The following ASXL3 variants were observed in gnomAD, a reference collection of about 807,000 sequenced individuals.
ASXL3 encodes the protein ASXL transcriptional regulator 3.
Under a neutral mutation model 170.6 loss-of-function variants are expected in ASXL3, and 34 were observed. The ratio of observed to expected loss-of-function variants is 0.20; its 90% CI spans 0.15 to 0.27. ASXL3 has a LOEUF of 0.27. Among genes scored for constraint, ASXL3 ranks in the 10% least tolerant of loss-of-function variants. The pLI is 1.00. For synonymous variants in ASXL3, 1,002 were observed against 989.1 expected (o/e 1.01, Z -0.24); for missense variants, 2,592 against 2,695.3 (o/e 0.96, Z 0.85).
In ASXL3 at chr18:33,745,105, T is replaced by C; in HGVS notation, c.5257T>C (p.Leu1753=). Reference sequence around the variant, plus strand: ...GGCTAACAATCCGCTGGTGACGCAGTTACTACAGGGCAACCTGCCTTTGGA... The same window carrying C: ...GGCTAACAATCCGCTGGTGACGCAGCTACTACAGGGCAACCTGCCTTTGGA... The part of the protein sequence containing the change: ...VEANNPLVTQ[L]LQGNLPLEKV... The change falls in exon 12 of 12, where the codon TTA becomes CTA. Residue 1753 remains leucine, a synonymous_variant. Coordinates refer to ENST00000269197, the MANE Select transcript of ASXL3 (RefSeq NM_030632.3). 1 of 1,613,996 alleles carries C rather than the reference T, an allele frequency of 6.2e-7. No individual in the cohort carries two copies.
chr18:33,658,645 C>G (rs2066120549), intron 4 of ASXL3, among the ~76,000 whole-genome samples: 2 of 151,892 alleles, frequency 1.3e-5, no homozygotes, highest in South Asian at 2.1e-4. Context: ...TTACATTTTG[C>G]TTTTCTTTAA....
chr18:33,665,971 T>G (rs2066249387), intron 5 of ASXL3, among the ~76,000 whole-genome samples: 1 of 152,200 alleles, frequency 6.6e-6, no homozygotes, highest in South Asian at 2.1e-4. Context: ...GCTTGTAAAT[T>G]TCTTTCATAT....
At position 33,697,895 on chromosome 18, in the gene ASXL3, C is replaced by T. The variant is rs369258548; in HGVS notation, c.879+14327C>T. Among the ~76,000 whole-genome samples the T allele has an allele frequency of 9.9e-5, 15 of 152,224 alleles. No homozygotes were observed. The East Asian group carries it at 1.9e-3, about 20-fold the overall frequency. On this transcript the variant is annotated intron_variant, in intron 8 of 11. Coordinates refer to ENST00000269197, the MANE Select transcript of ASXL3 (RefSeq NM_030632.3). ...CAGCTGAAGAACTCCAGAATTTTCT[C>T]TCTATGATACTCTGTCTTCTCCTGT...
chr18:33,605,840 T>G (rs2065242212), intron 1 of ASXL3, among the ~76,000 whole-genome samples: 1 of 151,892 alleles, frequency 6.6e-6, no homozygotes, highest in South Asian at 2.1e-4. Context: ...ATCGTATGCC[T>G]TTCCCTCCAG....
intron 2 of ASXL3, among the ~76,000 whole-genome samples, chr18:33,616,270 G>A (rs1420273156): frequency 1.3e-5 from 2 of 152,048 alleles, no homozygotes; most frequent in East Asian, 1.9e-4. Context: ...AGCCTTTATA[G>A]TCAAACATCT....
Position 33,732,024 on chromosome 18 carries a change from T to C in ASXL3, c.936T>C (p.Phe312=), listed in dbSNP as rs774211783. 1 of 1,613,102 alleles carries C rather than the reference T, an allele frequency of 6.2e-7. No individual in the cohort carries two copies. The highest frequency in any genetic ancestry group is 8.5e-7 in the Non-Finnish European group (1 of 1,179,636). ...CTTCAGCTCTAAATAATGAATTCTT[T>C]GCATATGCAGCACAAGGGTGGAAAC... ...LSTSALNNEF[F]AYAAQGWKQR... Residue 312 remains phenylalanine, a synonymous_variant, in exon 9 of 12, where the codon TTT becomes TTC. Transcript: ENST00000269197.
chr18:33,590,123 T>TTTTTTTTTTTTTTTTTTTTTTTTTTTG (rs2065065898), intron 1 of ASXL3, among the ~76,000 whole-genome samples: 1 of 146,854 alleles, frequency 6.8e-6, no homozygotes, highest in Non-Finnish European at 1.5e-5. Flanking sequence ...TTTTTTTTTT[T>TTTTTTTTTTTTTTTTTTTTTTTTTTTG]TTTTTTTGCT....
At chr18:33,724,585 G>C (rs555587748) in intron 8 of ASXL3, among the ~76,000 whole-genome samples, 1 of 151,960 alleles carries the variant, frequency 6.6e-6, no homozygotes, top group Non-Finnish European at 1.5e-5. Flanking sequence ...AGATACTGAT[G>C]GTTGTTCTGT....
intron 4 of ASXL3, among the ~76,000 whole-genome samples, chr18:33,656,990 A>G (rs2066094560): frequency 6.6e-6 from 1 of 152,168 alleles, no homozygotes; most frequent in Non-Finnish European, 1.5e-5. Flanking sequence ...GAACATTAAT[A>G]GATCGACTGC....
In ASXL3 at chr18:33,598,794, G is replaced by A. The variant is rs537345949; in HGVS notation, c.55-8800G>A. ...GCAGGTATGACCAGGAGGTATTGTGGATAACCATGGGGATAATCATGGAGA... is the reference window on the plus strand; with the variant it reads ...GCAGGTATGACCAGGAGGTATTGTGAATAACCATGGGGATAATCATGGAGA... On this transcript the variant is annotated intron_variant, in intron 1 of 11. Coordinates refer to ENST00000269197, the MANE Select transcript of ASXL3 (RefSeq NM_030632.3). 2.1e-4 allele frequency among the ~76,000 whole-genome samples: 32 copies of A among 152,286 alleles called. 1 individual carries two copies. In the South Asian group the frequency reaches 3.9e-3, roughly 19 times the overall value.
chr18:33,694,637 T>G (rs1276697304), intron 8 of ASXL3, among the ~76,000 whole-genome samples: 1 of 152,098 alleles, frequency 6.6e-6, no homozygotes, highest in Admixed American at 6.6e-5. Flanking sequence ...AATTGCAGCA[T>G]TTTAGTCAAT....
intron 2 of ASXL3, 112 bp downstream of exon 2, chr18:33,607,788 TCCCC>T: frequency 1.2e-6 from 1 of 802,504 alleles, no homozygotes; most frequent in Non-Finnish European, 2.0e-6. Context: ...GTGAATTAAC[TCCCC>T]ACAAATTCTT....
intron 2 of ASXL3, among the ~76,000 whole-genome samples, chr18:33,639,980 T>C (rs1166969008): frequency 1.3e-5 from 2 of 152,154 alleles, no homozygotes; most frequent in African/African-American, 4.8e-5. Context: ...TAGAGACATA[T>C]TGAATATCAA....
At position 33,745,497 on chromosome 18, in the gene ASXL3, C is replaced by G. The variant is rs775666145; in HGVS notation, c.5649C>G (p.Ser1883=). The change falls in exon 12 of 12, where the codon TCC becomes TCG. Residue 1883 remains serine (S), a synonymous_variant. Coordinates refer to ENST00000269197, the MANE Select transcript of ASXL3 (RefSeq NM_030632.3). ...AGCAAGAATGGCTAAACAAGCACTC[C>G]ATGCAGAACAGAATTGTTCACAGCC... ...PFKQEWLNKH[S]MQNRIVHSPE... The G allele has an allele frequency of 3.8e-5, 62 of 1,614,004 alleles. No individual in the cohort carries two copies. Among genetic ancestry groups the G allele is most frequent in the Non-Finnish European group, 5.2e-5 (61 of 1,179,904 alleles).
chr18:33,608,255 A>G (rs1599389573), intron 2 of ASXL3, among the ~76,000 whole-genome samples: 1 of 151,966 alleles, frequency 6.6e-6, no homozygotes. Flanking sequence ...CTAAAATGAA[A>G]CCCTGTACCC....
chr18:33,674,822 G>C (rs1417897884), intron 7 of ASXL3, among the ~76,000 whole-genome samples: 2 of 151,884 alleles, frequency 1.3e-5, no homozygotes, highest in African/African-American at 2.4e-5. Context: ...GTTTCACCAT[G>C]TTAGCCAGGA....
intron 8 of ASXL3, among the ~76,000 whole-genome samples, chr18:33,707,101 CTGTT>C (rs916970115): frequency 2.7e-4 from 41 of 151,570 alleles, no homozygotes; most frequent in South Asian, 8.3e-4. Flanking sequence ...TTGCATTGGT[CTGTT>C]TGTCTGTCCT....
chr18:33,695,719 A>G (rs2066763666), intron 8 of ASXL3, among the ~76,000 whole-genome samples: 1 of 152,130 alleles, frequency 6.6e-6, no homozygotes, highest in Non-Finnish European at 1.5e-5. Context: ...AACCTGAATA[A>G]CATACTATTC....
chr18:33,651,953 C>T (rs2066005487), intron 4 of ASXL3, among the ~76,000 whole-genome samples: 1 of 152,004 alleles, frequency 6.6e-6, no homozygotes, highest in Admixed American at 6.6e-5. Context: ...TTACAAGACA[C>T]AGAACTATGG....
Sources: gnomAD v4.1 joint callset for allele counts (sites outside exome capture counted in the v4.1 genomes callset) on GRCh38, gnomAD v4.1.1 for gene constraint, MANE v1.5 for transcripts, NCBI Gene and HGNC (gene_info 2026-07-23, HGNC 2026-07-21) for gene names.